FGF12: variants seen among roughly 807,000 people sequenced by gnomAD.
FGF12 encodes fibroblast growth factor 12B.
In FGF12, 14 loss-of-function variants were observed where a neutral mutation model predicts 23.6. That is an observed-to-expected ratio of 0.59 (90% CI 0.39 to 0.93). FGF12 has a LOEUF of 0.93. FGF12 is among the 40% of genes least tolerant of loss of function. The probability of loss-of-function intolerance (pLI) is 0.00; values close to 1 mark genes in which losing one functional copy is unlikely to be tolerated. For missense variants in FGF12, 175 were observed against 217.8 expected, an observed-to-expected ratio of 0.80 and a Z score of 1.24; for synonymous variants, 62 against 77.3, an observed-to-expected ratio of 0.80 and a Z score of 1.04.
intron 2 of FGF12, among the ~76,000 whole-genome samples, chr3:192,401,095 C>A (rs1720742761): frequency 6.6e-6 from 1 of 152,092 alleles, no homozygotes; most frequent in African/African-American, 2.4e-5. Flanking sequence ...AATAATAAGC[C>A]CCACTGTGTT....
At chr3:192,419,216 G>A (rs913898097) in intron 2 of FGF12, among the ~76,000 whole-genome samples, 1 of 152,164 alleles carries the variant, frequency 6.6e-6, no homozygotes, top group Non-Finnish European at 1.5e-5. Flanking sequence ...TTCTTGAAGT[G>A]TTAAAAACAG....
At chr3:192,419,493 G>A (rs540448692) in intron 2 of FGF12, among the ~76,000 whole-genome samples, 9 of 152,182 alleles carry the variant, frequency 5.9e-5, no homozygotes, top group South Asian at 4.1e-4. Context: ...AGATTACATC[G>A]CAAAATGAGG....
chr3:192,576,667 T>C (rs1415112763), intron 2 of FGF12, among the ~76,000 whole-genome samples: 1 of 152,188 alleles, frequency 6.6e-6, no homozygotes, highest in Non-Finnish European at 1.5e-5. Context: ...AAAATGCTCA[T>C]ATTTTAATAT....
At chr3:192,352,185 C>T (rs1416295720) in intron 3 of FGF12, among the ~76,000 whole-genome samples, 1 of 151,612 alleles carries the variant, frequency 6.6e-6, no homozygotes, top group Non-Finnish European at 1.5e-5. Context: ...ATTTCAGTGT[C>T]TACAGACCTC....
At chr3:192,266,862 A>T (rs1713110286) in intron 4 of FGF12, 1 of 151,980 alleles carries the variant, frequency 6.6e-6, no homozygotes, top group Non-Finnish European at 1.5e-5. Flanking sequence ...ACTTTTAAAA[A>T]GCTAACAAAA....
intron 2 of FGF12, among the ~76,000 whole-genome samples, chr3:192,428,990 C>T (rs1048427470): frequency 1.3e-5 from 2 of 151,984 alleles, no homozygotes; most frequent in Non-Finnish European, 2.9e-5. Context: ...CTTTTAAATA[C>T]TTTTATTTAT....
Position 192,170,670 on chromosome 3 carries a change from A to C in FGF12, c.229-14T>G. The C allele has an allele frequency of 6.3e-7, 1 of 1,577,744 alleles. No individual in the cohort carries two copies. ...AGTGAAAACATCCTGTAGGAAAAAA[A>C]AAAAAAGACACAAAAAAGAGAAATG... On this transcript the variant is annotated splice_polypyrimidine_tract_variant and intron_variant, in intron 4 of 5. Transcript: ENST00000445105.
At chr3:192,257,826 A>G (rs1712496416) in intron 4 of FGF12, among the ~76,000 whole-genome samples, 1 of 152,028 alleles carries the variant, frequency 6.6e-6, no homozygotes, top group Non-Finnish European at 1.5e-5. Flanking sequence ...TTTATACAAG[A>G]TTAGGGTGAG....
intron 2 of FGF12, among the ~76,000 whole-genome samples, chr3:192,700,742 G>A (rs767441859): frequency 6.6e-6 from 1 of 152,088 alleles, no homozygotes; most frequent in African/African-American, 2.4e-5. Context: ...TGGGAAGAGG[G>A]GGGTCGGACA....
At chr3:192,502,950 T>A (rs1467175566) in intron 2 of FGF12, among the ~76,000 whole-genome samples, 1 of 152,230 alleles carries the variant, frequency 6.6e-6, no homozygotes, top group African/African-American at 2.4e-5. Flanking sequence ...TACACTTTTG[T>A]TTTCTGTAGG....
chr3:192,602,648 C>T (rs563646768), intron 2 of FGF12, among the ~76,000 whole-genome samples: 5 of 151,744 alleles, frequency 3.3e-5, no homozygotes, highest in Non-Finnish European at 7.4e-5. Flanking sequence ...ATCTATGATA[C>T]CACTGTGGGA....
At chr3:192,277,546 A>T (rs1029810399) in intron 4 of FGF12, among the ~76,000 whole-genome samples, 2 of 152,194 alleles carry the variant, frequency 1.3e-5, no homozygotes, top group Non-Finnish European at 2.9e-5. Flanking sequence ...TTGGTCCACA[A>T]GAGGCAAATC....
Position 192,634,744 on chromosome 3 carries a change from A to C in FGF12, c.13+92437T>G, listed in dbSNP as rs1004324887. On this transcript the variant is annotated intron_variant, in intron 2 of 5. Coordinates refer to ENST00000445105, the MANE Select transcript of FGF12 (RefSeq NM_004113.6). ...ATTTAAATGACTTTATAGAAACTTA[A>C]ATTACTTAAAATTAATTAGCTAAAT... Among the ~76,000 whole-genome samples the C allele has an allele frequency of 7.0e-4, 107 of 152,308 alleles. 1 individual carries two copies. Among genetic ancestry groups the C allele is most frequent in the Admixed American group, 5.6e-3 (86 of 15,302 alleles).
chr3:192,421,919 A>AGTG (rs1194288226), intron 2 of FGF12, among the ~76,000 whole-genome samples: 5 of 152,180 alleles, frequency 3.3e-5, no homozygotes, highest in South Asian at 4.1e-4. Context: ...TCTCTGAATA[A>AGTG]GTGGTGGTGG....
At position 192,345,279 on chromosome 3, in the gene FGF12, G is replaced by A. The variant is rs539138428; in HGVS notation, c.125-9815C>T. Among the ~76,000 whole-genome samples, 25 of 152,274 alleles carry A rather than the reference G, an allele frequency of 1.6e-4. 1 individual carries two copies. In the South Asian group the frequency reaches 5.2e-3, roughly 32 times the overall value. ...ATATGTATCCATCTTTACAGACCAGGAAACTGATACTCAAAGATACTGTTT... is the reference window on the plus strand; with the variant it reads ...ATATGTATCCATCTTTACAGACCAGAAAACTGATACTCAAAGATACTGTTT... On this transcript the variant is annotated intron_variant, in intron 3 of 5. Transcript: ENST00000445105.
intron 2 of FGF12, among the ~76,000 whole-genome samples, chr3:192,672,322 A>C (rs1717153297): frequency 6.6e-6 from 1 of 151,170 alleles, no homozygotes; most frequent in African/African-American, 2.4e-5. Context: ...GTCATAAATA[A>C]ATAAAGAAAT....
intron 4 of FGF12, among the ~76,000 whole-genome samples, chr3:192,204,087 A>C (rs1423327111): frequency 6.6e-6 from 1 of 152,212 alleles, no homozygotes; most frequent in Non-Finnish European, 1.5e-5. Context: ...GATAGATGGC[A>C]AATTTCACTT....
At chr3:192,640,704 G>T (rs1332063435) in intron 2 of FGF12, among the ~76,000 whole-genome samples, 1 of 152,122 alleles carries the variant, frequency 6.6e-6, no homozygotes, top group Non-Finnish European at 1.5e-5. Context: ...TATACAATTT[G>T]CTCTAAATTA....
chr3:192,239,863 G>A (rs757580600), intron 4 of FGF12, among the ~76,000 whole-genome samples: 1 of 152,204 alleles, frequency 6.6e-6, no homozygotes, highest in African/African-American at 2.4e-5. Context: ...TGCTAATGGG[G>A]TAACCCAAGT....
Sources: allele counts gnomAD v4.1 joint callset (sites outside exome capture counted in the v4.1 genomes callset), GRCh38; gene constraint gnomAD v4.1.1; transcripts MANE v1.5; gene names NCBI Gene and HGNC (gene_info 2026-07-23, HGNC 2026-07-21).